The following DNAJC1 variants were observed in gnomAD, a reference collection of about 807,000 sequenced individuals.
DNAJC1 encodes the protein DnaJ heat shock protein family (Hsp40) member C1.
A neutral mutation model predicts 76.6 loss-of-function variants in DNAJC1; 58 were observed. The observed-to-expected ratio is 0.76, with a 90% CI of 0.61 to 0.94. The LOEUF (loss-of-function observed/expected upper bound fraction) is 0.94, where lower values mean the gene tolerates loss of function less well. Among genes scored for constraint, DNAJC1 ranks in the 40% least tolerant of loss-of-function variants. The pLI is 0.00. For missense variants in DNAJC1, 689 were observed against 677.3 expected (o/e 1.02, Z -0.19); for synonymous variants, 258 against 267.9 (o/e 0.96, Z 0.36).
chr10:21,840,327 C>A (rs371201734), intron 8 of DNAJC1, among the ~76,000 whole-genome samples: 1 of 152,120 alleles, frequency 6.6e-6, no homozygotes. Flanking sequence ...TGTTTGCAGA[C>A]GACATGATTG....
chr10:21,853,926 G>A (rs946662652), intron 8 of DNAJC1, among the ~76,000 whole-genome samples: 1 of 151,864 alleles, frequency 6.6e-6, no homozygotes, highest in Admixed American at 6.6e-5. Flanking sequence ...TGTGAATATG[G>A]GAAGATACTC....
At chr10:21,919,365 G>C (rs1402546726) in intron 5 of DNAJC1, among the ~76,000 whole-genome samples, 1 of 151,976 alleles carries the variant, frequency 6.6e-6, no homozygotes, top group African/African-American at 2.4e-5. Context: ...ATAGATGACA[G>C]GCAGAATAGT....
chr10:21,822,899 T>A (rs1835184055), intron 8 of DNAJC1, among the ~76,000 whole-genome samples: 1 of 151,396 alleles, frequency 6.6e-6, no homozygotes, highest in Admixed American at 6.6e-5. Context: ...TTATATTATC[T>A]AGTAGCAAAG....
At chr10:21,854,484 A>G (rs1237300880) in intron 8 of DNAJC1, among the ~76,000 whole-genome samples, 1 of 152,144 alleles carries the variant, frequency 6.6e-6, no homozygotes, top group African/African-American at 2.4e-5. Flanking sequence ...CTACAAAAAT[A>G]AAATCTAATT....
At chr10:21,944,003 A>G (rs1319892237) in intron 1 of DNAJC1, among the ~76,000 whole-genome samples, 2 of 152,096 alleles carry the variant, frequency 1.3e-5, no homozygotes, top group African/African-American at 2.4e-5. Flanking sequence ...CTTCTAAAAC[A>G]TACACAAGTA....
intron 8 of DNAJC1, among the ~76,000 whole-genome samples, chr10:21,813,209 T>C (rs1319598487): frequency 5.5e-4 from 53 of 96,606 alleles, no homozygotes; most frequent in Non-Finnish European, 9.2e-4. Flanking sequence ...TCTCTCTCTC[T>C]CTCTCTCTCT....
At chr10:21,834,091 C>T (rs1297884962) in intron 8 of DNAJC1, among the ~76,000 whole-genome samples, 2 of 151,966 alleles carry the variant, frequency 1.3e-5, no homozygotes, top group Non-Finnish European at 1.5e-5. Context: ...GGTGAAACCC[C>T]ATCTCTACTA....
chr10:21,849,521 CAG>C (rs974119248), intron 8 of DNAJC1, among the ~76,000 whole-genome samples: 7 of 151,476 alleles, frequency 4.6e-5, no homozygotes, highest in South Asian at 2.1e-4. Flanking sequence ...CCAATACTGA[CAG>C]GGGGAAAAAA....
At chr10:21,840,757 A>G (rs1028875644) in intron 8 of DNAJC1, among the ~76,000 whole-genome samples, 1 of 152,216 alleles carries the variant, frequency 6.6e-6, no homozygotes, top group African/African-American at 2.4e-5. Context: ...AAACTACTTT[A>G]AAGTTCGTAT....
intron 1 of DNAJC1, among the ~76,000 whole-genome samples, chr10:21,999,799 A>ATCTCT (rs370100198): frequency 1.3e-5 from 2 of 151,876 alleles, no homozygotes; most frequent in East Asian, 1.9e-4. Context: ...TAGCTCCCAG[A>ATCTCT]TCTCTTCTCT....
intron 8 of DNAJC1, among the ~76,000 whole-genome samples, chr10:21,847,575 CTCT>C (rs1277565612): frequency 6.6e-6 from 1 of 152,158 alleles, no homozygotes; most frequent in Admixed American, 6.6e-5. Flanking sequence ...TAACCAGCCT[CTCT>C]TCATCATCCC....
At position 22,003,700 on chromosome 10, in the gene DNAJC1, G is replaced by C. The variant is rs967095037; in HGVS notation, c.-266C>G. 2.8e-6 allele frequency: 1 copy of C among 361,572 alleles called. No individual in the cohort carries two copies. Among genetic ancestry groups the C allele is most frequent in the South Asian group, 1.3e-4 (1 of 7,794 alleles). 22.4% of individuals were successfully genotyped at this position (361,572 alleles called of 1,614,324 possible). On this transcript the variant is annotated 5_prime_UTR_variant, in exon 1 of 12. Coordinates refer to ENST00000376980, the MANE Select transcript of DNAJC1 (RefSeq NM_022365.4). ...GCCCCCAGGCCTACACACAGCTGTA[G>C]AGGCAGCGCCCGGCGCCTGGGCTGC...
chr10:21,974,501 C>T (rs140040563), intron 1 of DNAJC1, among the ~76,000 whole-genome samples: 122 of 152,252 alleles, frequency 8.0e-4, no homozygotes, highest in African/African-American at 2.8e-3. Context: ...TTGTATCACA[C>T]CATAAACTTT....
chr10:21,944,181 T>G (rs1837467976), intron 1 of DNAJC1, among the ~76,000 whole-genome samples: 1 of 151,720 alleles, frequency 6.6e-6, no homozygotes, highest in Admixed American at 6.6e-5. Flanking sequence ...TTTTTTTTTT[T>G]TCATATTATC....
intron 6 of DNAJC1, among the ~76,000 whole-genome samples, chr10:21,905,780 A>C (rs1173330506): frequency 1.3e-5 from 2 of 152,166 alleles, no homozygotes; most frequent in Non-Finnish European, 2.9e-5. Context: ...CTAATAAAGC[A>C]AGAAATGAAG....
chr10:21,853,668 C>G lies in DNAJC1; in HGVS notation c.978+28614G>C, dbSNP rs572948070. 4.0e-5 allele frequency among the ~76,000 whole-genome samples: 6 copies of G among 151,700 alleles called. No individual in the cohort carries two copies. The East Asian group carries it at 1.2e-3, about 29-fold the overall frequency. ...AATTAGCTGGGCGTGGTGGTGCACA[C>G]CTGTAATCCTAGCTCATCAGGAGGC... On this transcript the variant is annotated intron_variant, in intron 8 of 11. Transcript: ENST00000376980.
At chr10:21,798,108 GTTC>G (rs1245966448) in intron 9 of DNAJC1, among the ~76,000 whole-genome samples, 3 of 152,180 alleles carry the variant, frequency 2.0e-5, no homozygotes, top group Admixed American at 6.5e-5. Flanking sequence ...TCCGCTCACA[GTTC>G]TTCTGAAGGT....
At chr10:21,857,603 A>G (rs1003599635) in intron 8 of DNAJC1, among the ~76,000 whole-genome samples, 6 of 152,198 alleles carry the variant, frequency 3.9e-5, no homozygotes, top group Non-Finnish European at 5.9e-5. Flanking sequence ...GGAAATCAGC[A>G]TGTTAGGGAA....
chr10:21,775,328 T>A (rs1834440217), intron 9 of DNAJC1, among the ~76,000 whole-genome samples: 1 of 127,590 alleles, frequency 7.8e-6, no homozygotes, highest in African/African-American at 2.9e-5. Flanking sequence ...TAACTGCAAA[T>A]GGCTTTTTTT....
Sources: gnomAD v4.1 joint callset for allele counts (sites outside exome capture counted in the v4.1 genomes callset) on GRCh38, gnomAD v4.1.1 for gene constraint, MANE v1.5 for transcripts, NCBI Gene and HGNC (gene_info 2026-07-23, HGNC 2026-07-21) for gene names.